USP30: variants seen among roughly 807,000 people sequenced by gnomAD.
The protein encoded by USP30 is ubiquitin carboxyl-terminal hydrolase 30.
In USP30, 41 loss-of-function variants were observed where a neutral mutation model predicts 68.2. The ratio of observed to expected loss-of-function variants is 0.60; its 90% CI spans 0.47 to 0.78. The LOEUF (loss-of-function observed/expected upper bound fraction) is 0.78. USP30 is among the 30% of genes least tolerant of loss of function. The pLI is 0.00. For missense variants in USP30, 522 were observed against 649.4 expected, an observed-to-expected ratio of 0.80 and a Z score of 2.13; for synonymous variants, 229 against 253.7, an observed-to-expected ratio of 0.90 and a Z score of 0.93.
intron 3 of USP30, among the ~76,000 whole-genome samples, chr12:109,047,186 G>A (rs541526205): frequency 4.0e-4 from 60 of 150,676 alleles, no homozygotes; most frequent in Middle Eastern, 3.4e-3. Flanking sequence ...TTTTTTAACC[G>A]AGGAAACCCT....
In USP30 at chr12:109,087,702, G is replaced by C. The variant is rs1202760635; in HGVS notation, c.*1771G>C. On this transcript the variant is annotated 3_prime_UTR_variant, in exon 13 of 13. Coordinates refer to ENST00000257548, the MANE Select transcript of USP30 (RefSeq NM_032663.5). ...ACCATCAAAGAAAGATAGAGAAAAG[G>C]GGCTGAGCCTTGGAATATATGGTTA... is the stretch of plus-strand genomic sequence containing the variant. The C allele has an allele frequency of 6.6e-6, 1 of 152,266 alleles. No individual in the cohort carries two copies. The highest frequency in any genetic ancestry group is 1.5e-5 in the Non-Finnish European group (1 of 68,116). The allele number at this position is 152,266 out of a possible 1,614,324, so 9.4% of individuals were successfully genotyped here. A position where few individuals can be genotyped will look rare whatever the true frequency, so the allele number is the denominator to read the frequency against.
intron 3 of USP30, among the ~76,000 whole-genome samples, chr12:109,038,170 G>T (rs376691745): frequency 4.8e-5 from 2 of 41,476 alleles, no homozygotes; most frequent in African/African-American, 1.0e-4. Flanking sequence ...TCCCTCCCCC[G>T]ACCCCTCCAA....
At chr12:109,038,697 T>C (rs922527110) in intron 3 of USP30, among the ~76,000 whole-genome samples, 4 of 152,212 alleles carry the variant, frequency 2.6e-5, no homozygotes, top group Admixed American at 2.6e-4. Context: ...ATCTGCCAAA[T>C]AGTTTTCCAA....
chr12:109,058,257 C>A (rs750184160), intron 3 of USP30, 149 bp downstream of exon 3: 1 of 907,148 alleles, frequency 1.1e-6, no homozygotes, highest in Non-Finnish European at 1.6e-6. Flanking sequence ...CCAATAGATA[C>A]AAACAAGTAT....
At chr12:109,078,798 GT>G (rs2041694196) in intron 7 of USP30, among the ~76,000 whole-genome samples, 1 of 152,148 alleles carries the variant, frequency 6.6e-6, no homozygotes, top group South Asian at 2.1e-4. Context: ...ATATGAAAAT[GT>G]TTTTGTCTTG....
chr12:109,026,614 C>T (rs141513064), intron 2 of USP30, among the ~76,000 whole-genome samples: 97 of 151,584 alleles, frequency 6.4e-4, no homozygotes, highest in African/African-American at 2.3e-3. Context: ...ACCGTAGGTG[C>T]GCACCACCAT....
intron 7 of USP30, 62 bp downstream of exon 7, chr12:109,073,594 A>C: frequency 6.9e-7 from 1 of 1,453,636 alleles, no homozygotes; most frequent in Non-Finnish European, 9.6e-7. Flanking sequence ...AGGATTCTTG[A>C]AAGGACCTAG....
rs116299765 is a variant in USP30, at chr12:109,065,170, A to G, written c.377-2354A>G. ...AAGAAGAAACAGGCTGGCCTACTGT[A>G]TCTTGGGAGTCACTGAACTTCCAGA... On this transcript the variant is annotated intron_variant, in intron 3 of 12. Coordinates refer to ENST00000257548, the MANE Select transcript of USP30 (RefSeq NM_032663.5). 4.0e-3 allele frequency among the ~76,000 whole-genome samples: 607 copies of G among 152,322 alleles called. 6 individuals carry two copies. The highest frequency in any genetic ancestry group is 0.013 in the African/African-American group (558 of 41,572).
intron 3 of USP30, 96 bp downstream of exon 3, chr12:109,058,204 G>A (rs1386804104): frequency 7.8e-7 from 1 of 1,278,384 alleles, no homozygotes; most frequent in South Asian, 1.5e-5. Context: ...CTTATTGTAG[G>A]AAAAGATCAT....
At chr12:109,044,894 C>T (rs1021310460) in intron 3 of USP30, among the ~76,000 whole-genome samples, 2 of 151,374 alleles carry the variant, frequency 1.3e-5, no homozygotes, top group Non-Finnish European at 2.9e-5. Context: ...TGTTATCACA[C>T]TTTTTCATGC....
chr12:109,058,494 C>G (rs954992682), intron 3 of USP30, among the ~76,000 whole-genome samples: 1 of 151,942 alleles, frequency 6.6e-6, no homozygotes, highest in Non-Finnish European at 1.5e-5. Flanking sequence ...ATCGCTTGAA[C>G]CCGGGAGGCG....
At chr12:109,033,679 A>G (rs1017750651) in intron 3 of USP30, among the ~76,000 whole-genome samples, 1 of 152,198 alleles carries the variant, frequency 6.6e-6, no homozygotes, top group Admixed American at 6.5e-5. Flanking sequence ...TCTGCTAGCC[A>G]TGCTGATGGG....
intron 8 of USP30, 158 bp downstream of exon 8, chr12:109,081,551 A>G: frequency 1.2e-6 from 1 of 813,484 alleles, no homozygotes; most frequent in Non-Finnish European, 1.9e-6. Context: ...TGATTATGGG[A>G]GAGAGGAAAA....
At chr12:109,050,358 A>T (rs182964071), upstream of USP30, among the ~76,000 whole-genome samples, 1 of 152,300 alleles carries the variant, frequency 6.6e-6, no homozygotes, top group Admixed American at 6.5e-5. Context: ...AGGAAACAAA[A>T]ATTCTCAATT....
intron 3 of USP30, among the ~76,000 whole-genome samples, chr12:109,062,504 A>G (rs1336378242): frequency 6.6e-6 from 1 of 150,824 alleles, no homozygotes; most frequent in Admixed American, 6.6e-5. Flanking sequence ...ATATTTTTGT[A>G]TTTTTAGTAG....
rs1224171358 is a variant in USP30, at chr12:109,071,708, GA to G, written c.578del (p.Glu193GlyfsTer6). 39 of 1,613,972 alleles carry G rather than the reference GA, an allele frequency of 2.4e-5. No individual in the cohort carries two copies. Among genetic ancestry groups the G allele is most frequent in the Non-Finnish European group, 3.1e-5 (37 of 1,179,822 alleles). On this transcript the variant is annotated frameshift_variant and splice_region_variant, in exon 5 of 13. Coordinates refer to ENST00000257548, the MANE Select transcript of USP30 (RefSeq NM_032663.5). LOFTEE classifies it high-confidence loss of function. ...ACATTTGTTTGATGTGCATTCCCTG[GA>G]GGTAAACCATTAATATTTCCAACAC... Reference protein sequence around the residue: ...VTHLFDVHSLEQQSEITPKQI... With the variant: ...VTHLFDVHSLXQQSEITPKQI...
upstream of USP30, among the ~76,000 whole-genome samples, chr12:109,051,264 T>G (rs2040667136): frequency 6.9e-6 from 1 of 145,196 alleles, no homozygotes; most frequent in Non-Finnish European, 1.5e-5. Flanking sequence ...TTTTTTTTTT[T>G]TTTTTTTTTT....
At chr12:109,056,958 A>G (rs2040896996) in intron 2 of USP30, among the ~76,000 whole-genome samples, 167 bp downstream of exon 2, 1 of 152,226 alleles carries the variant, frequency 6.6e-6, no homozygotes, top group African/African-American at 2.4e-5. Flanking sequence ...ATTATTTTAT[A>G]CCATGTAGTA....
chr12:109,027,798 T>A (rs913908324), intron 3 of USP30, among the ~76,000 whole-genome samples: 4 of 152,246 alleles, frequency 2.6e-5, no homozygotes, highest in African/African-American at 9.6e-5. Context: ...CATCTGTTGA[T>A]GGACACGTGG....
Sources: allele counts gnomAD v4.1 joint callset (sites outside exome capture counted in the v4.1 genomes callset), GRCh38; gene constraint gnomAD v4.1.1; transcripts MANE v1.5; gene names NCBI Gene and HGNC (gene_info 2026-07-23, HGNC 2026-07-21).